The following EPHA6 variants were observed in gnomAD, a reference collection of about 807,000 sequenced individuals.
EPHA6 encodes the protein EPH receptor A6.
In EPHA6, 50 loss-of-function variants were observed where a neutral mutation model predicts 112.0. The observed-to-expected ratio is 0.45, with a 90% CI of 0.36 to 0.56. EPHA6 has a LOEUF of 0.56. EPHA6 is among the 20% of genes least tolerant of loss of function. EPHA6 has a pLI of 0.00. For synonymous variants in EPHA6, 529 were observed against 490.7 expected (o/e 1.08, Z -1.03); for missense variants, 1,280 against 1,417.4 (o/e 0.90, Z 1.56).
At chr3:97,115,811 C>T (rs934402869) in intron 3 of EPHA6, among the ~76,000 whole-genome samples, 9 of 151,708 alleles carry the variant, frequency 5.9e-5, no homozygotes, top group African/African-American at 2.2e-4. Context: ...TTTAGGATGT[C>T]GGAGTTAAGA....
intron 5 of EPHA6, 53 bp downstream of exon 5, chr3:97,244,340 T>C: frequency 6.8e-7 from 1 of 1,464,812 alleles, no homozygotes. Flanking sequence ...TTTTGATGCA[T>C]AAATATCCCT....
intron 15 of EPHA6, among the ~76,000 whole-genome samples, chr3:97,725,512 G>C (rs768764187): frequency 6.6e-6 from 1 of 152,024 alleles, no homozygotes; most frequent in East Asian, 1.9e-4. Flanking sequence ...GGTATATATC[G>C]TTTTCAAGAG....
intron 11 of EPHA6, among the ~76,000 whole-genome samples, chr3:97,552,034 A>G (rs1359023244): frequency 6.6e-6 from 1 of 152,156 alleles, no homozygotes; most frequent in Non-Finnish European, 1.5e-5. Context: ...AAGTTGCTAA[A>G]ACAAAAACAA....
intron 3 of EPHA6, among the ~76,000 whole-genome samples, chr3:97,173,724 C>G (rs1008581492): frequency 4.0e-5 from 6 of 151,612 alleles, no homozygotes; most frequent in Non-Finnish European, 8.9e-5. Context: ...TATTAACTAT[C>G]CTGCCAAAGT....
At chr3:96,908,691 G>A (rs867070085) in intron 2 of EPHA6, among the ~76,000 whole-genome samples, 21 of 151,936 alleles carry the variant, frequency 1.4e-4, no homozygotes, top group African/African-American at 4.6e-4. Context: ...CTGAGTGGGG[G>A]AGTTGTTGGA....
chr3:97,026,976 G>A (rs2044661185), intron 3 of EPHA6, among the ~76,000 whole-genome samples: 1 of 152,100 alleles, frequency 6.6e-6, no homozygotes, highest in Non-Finnish European at 1.5e-5. Flanking sequence ...CTATTATAAA[G>A]TCACATGAAT....
At chr3:97,606,003 T>G (rs1224734930) in intron 12 of EPHA6, among the ~76,000 whole-genome samples, 2 of 151,332 alleles carry the variant, frequency 1.3e-5, no homozygotes, top group African/African-American at 4.8e-5. Context: ...TAGGGTGAAG[T>G]AAAAGATAAA....
At chr3:97,488,704 C>T (rs575325935) in intron 10 of EPHA6, among the ~76,000 whole-genome samples, 5 of 152,172 alleles carry the variant, frequency 3.3e-5, no homozygotes, top group African/African-American at 1.2e-4. Flanking sequence ...CTCATTTTCT[C>T]TATATTTAGA....
chr3:96,984,872 G>A (rs1485872682), intron 2 of EPHA6, among the ~76,000 whole-genome samples: 2 of 152,230 alleles, frequency 1.3e-5, no homozygotes, highest in Non-Finnish European at 2.9e-5. Context: ...TAATCTCCTG[G>A]TGTGCCATTT....
chr3:96,847,131 T>A (rs1480740911), intron 1 of EPHA6, among the ~76,000 whole-genome samples: 2 of 152,000 alleles, frequency 1.3e-5, no homozygotes, highest in Non-Finnish European at 2.9e-5. Flanking sequence ...TCCAGTAGAG[T>A]GAAAGTCTAT....
chr3:96,962,279 G>C (rs774274088), intron 2 of EPHA6, among the ~76,000 whole-genome samples: 2 of 151,910 alleles, frequency 1.3e-5, no homozygotes, highest in African/African-American at 4.8e-5. Context: ...TCAGACCATG[G>C]AGAGCATTGA....
chr3:97,140,407 A>G (rs2075869307), intron 3 of EPHA6, among the ~76,000 whole-genome samples: 1 of 152,138 alleles, frequency 6.6e-6, no homozygotes, highest in Admixed American at 6.6e-5. Context: ...CAAAGTGAAC[A>G]TGAGAGGAAA....
chr3:97,168,755 C>T (rs1268855086), intron 3 of EPHA6, among the ~76,000 whole-genome samples: 2 of 152,106 alleles, frequency 1.3e-5, no homozygotes, highest in Non-Finnish European at 2.9e-5. Context: ...CTCATTAAGA[C>T]CCTTTTCGTT....
At chr3:97,655,704 T>C (rs141859020) in intron 14 of EPHA6, among the ~76,000 whole-genome samples, 89 of 131,878 alleles carry the variant, frequency 6.7e-4, no homozygotes, top group African/African-American at 2.2e-3. Flanking sequence ...AATTGAACAA[T>C]GAGAACACAT....
chr3:97,733,681 T>C (rs1255776754), intron 15 of EPHA6, among the ~76,000 whole-genome samples: 2 of 152,076 alleles, frequency 1.3e-5, no homozygotes, highest in Non-Finnish European at 2.9e-5. Context: ...ATGTTATGGA[T>C]GCAATCATAC....
At chr3:97,402,557 G>A (rs1472987658) in intron 5 of EPHA6, among the ~76,000 whole-genome samples, 1 of 152,012 alleles carries the variant, frequency 6.6e-6, no homozygotes, top group Non-Finnish European at 1.5e-5. Context: ...CTTGTAAACA[G>A]TACATAGTTA....
intron 12 of EPHA6, among the ~76,000 whole-genome samples, chr3:97,604,218 A>C (rs562532258): frequency 2.0e-5 from 3 of 151,904 alleles, no homozygotes; most frequent in South Asian, 4.1e-4. Context: ...TGAGTTGAAA[A>C]GTGAGTTAAA....
At chr3:96,858,766 G>T (rs2035842987) in intron 1 of EPHA6, among the ~76,000 whole-genome samples, 1 of 152,086 alleles carries the variant, frequency 6.6e-6, no homozygotes, top group Non-Finnish European at 1.5e-5. Flanking sequence ...CCAGGGTTTG[G>T]ACTGAGAGTG....
chr3:97,472,190 A>C (rs1410978502), intron 7 of EPHA6, among the ~76,000 whole-genome samples: 2 of 151,680 alleles, frequency 1.3e-5, no homozygotes, highest in Non-Finnish European at 3.0e-5. Flanking sequence ...CCCACTATGG[A>C]TATCATAGTG....
Sources: gnomAD v4.1 joint callset for allele counts (sites outside exome capture counted in the v4.1 genomes callset) on GRCh38, gnomAD v4.1.1 for gene constraint, MANE v1.5 for transcripts, NCBI Gene and HGNC (gene_info 2026-07-23, HGNC 2026-07-21) for gene names.